Variants in PCDHGA11 observed in about 807,000 individuals in gnomAD.
PCDHGA11 encodes the protein protocadherin gamma subfamily A, 11, also known as protocadherin gamma-A11.
Under a neutral mutation model 60.4 loss-of-function variants are expected in PCDHGA11, and 39 were observed. The observed-to-expected ratio is 0.65, with a 90% CI of 0.50 to 0.84. The LOEUF is 0.84. Ranked by LOEUF, PCDHGA11 falls within the 40% of genes least tolerant of loss-of-function variation. PCDHGA11 has a pLI of 0.00. For missense variants in PCDHGA11, 1,165 were observed against 1,197.7 expected (o/e 0.97, Z 0.40); for synonymous variants, 533 against 510.3 (o/e 1.04, Z -0.60).
intron 1 of PCDHGA11, among the ~76,000 whole-genome samples, chr5:141,456,250 C>T (rs1244300374): frequency 4.6e-5 from 7 of 152,014 alleles, no homozygotes; most frequent in African/African-American, 1.7e-4. Context: ...AGGCTTTGGG[C>T]GACCATTGCT....
Position 141,432,668 on chromosome 5 carries a change from G to C in PCDHGA11, c.2433+9008G>C, listed in dbSNP as rs1202414814. 2.5e-6 allele frequency: 4 copies of C among 1,613,742 alleles called. No individual in the cohort carries two copies. The highest frequency in any genetic ancestry group is 2.2e-5 in the South Asian group (2 of 91,068). On this transcript the variant is annotated intron_variant, in intron 1 of 3. Coordinates refer to ENST00000398587, the MANE Select transcript of PCDHGA11 (RefSeq NM_018914.3). This position sits in a 1 kb window ranked among gnomAD's most constrained non-coding sequence, Gnocchi z 6.0. The stretch of plus-strand genomic sequence containing the variant: ...GGCGCGAGCCCTGCTGGACAGAGAC[G>C]CGCTCAAGCAGAGCCTCGTAGTGGC...
At chr5:141,469,782 G>A (rs760985231) in intron 1 of PCDHGA11, among the ~76,000 whole-genome samples, 8 of 152,204 alleles carry the variant, frequency 5.3e-5, no homozygotes, top group African/African-American at 1.7e-4. Context: ...TTATTACAGC[G>A]TTATTTGTAA....
chr5:141,480,225 G>A (rs1217912404), intron 1 of PCDHGA11, among the ~76,000 whole-genome samples: 1 of 147,152 alleles, frequency 6.8e-6, no homozygotes, highest in East Asian at 2.0e-4. Flanking sequence ...GCGACATAGT[G>A]AGATCCTGTC....
At position 141,476,161 on chromosome 5, in the gene PCDHGA11, G is replaced by A. The variant is rs748660112; in HGVS notation, c.2434-18646G>A. 21 of 1,613,012 alleles carry A rather than the reference G, an allele frequency of 1.3e-5. No homozygotes were observed. Among genetic ancestry groups the A allele is most frequent in the Non-Finnish European group, 1.8e-5 (21 of 1,179,922 alleles). On this transcript the variant is annotated intron_variant, in intron 1 of 3. Transcript: ENST00000398587. The surrounding 1 kb of genome is among the most constrained non-coding windows in gnomAD (Gnocchi z 7.6). ...GGAGCGGACTGGTAAGCACCGGGAG[G>A]GTAGTGGGAGTTTTGCTTCTGCTTG... is the stretch of plus-strand genomic sequence containing the variant.
At chr5:141,483,797 G>GCTGCTTTT (rs1255394691) in intron 1 of PCDHGA11, among the ~76,000 whole-genome samples, 3 of 152,174 alleles carry the variant, frequency 2.0e-5, no homozygotes, top group Non-Finnish European at 4.4e-5. Context: ...TCCAGTTGTT[G>GCTGCTTTT]CTGCTTTTTT....
chr5:141,444,920 G>A (rs2098451595), intron 1 of PCDHGA11, among the ~76,000 whole-genome samples: 1 of 152,110 alleles, frequency 6.6e-6, no homozygotes, highest in Non-Finnish European at 1.5e-5. Context: ...ACCTTTATCA[G>A]GGAAAGAGGG....
Position 141,491,498 on chromosome 5 carries a change from C to T in PCDHGA11, c.2434-3309C>T, listed in dbSNP as rs975297143. 2 of 1,614,102 alleles carry T rather than the reference C, an allele frequency of 1.2e-6. No homozygotes were observed. Among genetic ancestry groups the T allele is most frequent in the Non-Finnish European group, 1.7e-6 (2 of 1,180,018 alleles). ...TCCAGCCCCAACCTGCAGGTGAGCT[C>T]GGACGGCACGCTCAAGTACATGGAG... On this transcript the variant is annotated intron_variant, in intron 1 of 3. Transcript: ENST00000398587. The surrounding 1 kb of genome is among the most constrained non-coding windows in gnomAD (Gnocchi z 6.9).
At chr5:141,446,767 G>T (rs891355909) in intron 1 of PCDHGA11, among the ~76,000 whole-genome samples, 1 of 152,118 alleles carries the variant, frequency 6.6e-6, no homozygotes, top group African/African-American at 2.4e-5. Flanking sequence ...GCGCCCAGCC[G>T]GTTACCATTC....
In PCDHGA11 at chr5:141,423,193, T is replaced by A; in HGVS notation, c.1966T>A (p.Ser656Thr). 2 of 1,613,564 alleles carry A rather than the reference T, an allele frequency of 1.2e-6. No individual in the cohort carries two copies. Among genetic ancestry groups the A allele is most frequent in the Non-Finnish European group, 1.7e-6 (2 of 1,179,976 alleles). Residue 656 changes from serine (S) to threonine (T), a missense_variant, in exon 1 of 4, where the codon TCG (serine) becomes ACG (threonine). Ser to Thr is a moderately conservative substitution (Grantham distance 58). Transcript: ENST00000398587. Reference sequence around the variant, plus strand: ...CCAGGACCACGGCCAGCCCCCTCTCTCGGCCACCGTCACGCTCACCGTGGC... The same window carrying A: ...CCAGGACCACGGCCAGCCCCCTCTCACGGCCACCGTCACGCTCACCGTGGC... Reference protein sequence around the residue: ...AVQDHGQPPLSATVTLTVAVA... With the variant: ...AVQDHGQPPLTATVTLTVAVA...
Position 141,431,412 on chromosome 5 carries a change from GC to G in PCDHGA11, c.2433+7753del. ...CTGGTCCTTACGGCCTCCGACGGGG[GC>G]GACCCGGTGCGCACAGGCACCGCGC... On this transcript the variant is annotated intron_variant, in intron 1 of 3. Coordinates refer to ENST00000398587, the MANE Select transcript of PCDHGA11 (RefSeq NM_018914.3). The surrounding 1 kb of genome is among the most constrained non-coding windows in gnomAD (Gnocchi z 4.8). The G allele has an allele frequency of 6.2e-7, 1 of 1,613,714 alleles. No homozygotes were observed. Among genetic ancestry groups the G allele is most frequent in the Non-Finnish European group, 8.5e-7 (1 of 1,180,050 alleles).
In PCDHGA11 at chr5:141,491,561, A is replaced by G. The variant is rs1289732955; in HGVS notation, c.2434-3246A>G. ...CCCACAGACTCGCAGAGCCACTGCT[A>G]CAGGACGTGCTTTTCACCGGCCTCG... On this transcript the variant is annotated intron_variant, in intron 1 of 3. Transcript: ENST00000398587. The surrounding 1 kb of genome is among the most constrained non-coding windows in gnomAD (Gnocchi z 6.9). The G allele has an allele frequency of 6.2e-7, 1 of 1,613,938 alleles. No homozygotes were observed. Among genetic ancestry groups the G allele is most frequent in the Non-Finnish European group, 8.5e-7 (1 of 1,180,018 alleles).
At chr5:141,426,925 A>G in intron 1 of PCDHGA11, 1 of 456,756 alleles carries the variant, frequency 2.2e-6, no homozygotes, top group Non-Finnish European at 4.4e-6. Flanking sequence ...GAAGCAATGG[A>G]CATGGGTGAC....
intron 1 of PCDHGA11, among the ~76,000 whole-genome samples, chr5:141,449,586 C>T (rs2098645911): frequency 1.6e-5 from 2 of 125,482 alleles, no homozygotes; most frequent in East Asian, 2.3e-4. Context: ...AAGACTCTGT[C>T]TCAAAAAAAA....
At chr5:141,506,188 C>T (rs925159785) in intron 3 of PCDHGA11, among the ~76,000 whole-genome samples, 2 of 152,058 alleles carry the variant, frequency 1.3e-5, no homozygotes, top group African/African-American at 4.8e-5. Flanking sequence ...TGGTGGCTCA[C>T]GCCTGTAATC....
chr5:141,494,935 G>A, intron 2 of PCDHGA11, 70 bp downstream of exon 2: 1 of 1,612,482 alleles, frequency 6.2e-7, no homozygotes, highest in Non-Finnish European at 8.5e-7. Flanking sequence ...GGGAGGAGAT[G>A]GGGGAGGGCC....
chr5:141,487,041 G>C lies in PCDHGA11; in HGVS notation c.2434-7766G>C, dbSNP rs149314216. On this transcript the variant is annotated intron_variant, in intron 1 of 3. Coordinates refer to ENST00000398587, the MANE Select transcript of PCDHGA11 (RefSeq NM_018914.3). The surrounding 1 kb of genome is among the most constrained non-coding windows in gnomAD (Gnocchi z 5.0). ...GATCCCAGCCTGTTTGCAGTCTCTC[G>C]ATATGCTGGGGAGGTGCGGACGGCT... 2.5e-6 allele frequency: 4 copies of C among 1,614,018 alleles called. No homozygotes were observed. Among genetic ancestry groups the C allele is most frequent in the South Asian group, 2.2e-5 (2 of 91,084 alleles).
At chr5:141,503,023 A>AAT (rs2099817696) in intron 2 of PCDHGA11, among the ~76,000 whole-genome samples, 1 of 141,888 alleles carries the variant, frequency 7.0e-6, no homozygotes, top group African/African-American at 2.6e-5. Context: ...TTTTTTTTTT[A>AAT]ATATCTATTT....
Position 141,423,141 on chromosome 5 carries a change from G to T in PCDHGA11, c.1914G>T (p.Ala638=), listed in dbSNP as rs2096714253. 3.7e-6 allele frequency: 6 copies of T among 1,613,580 alleles called. No individual in the cohort carries two copies. Among genetic ancestry groups the T allele is most frequent in the East Asian group, 2.2e-5 (1 of 44,880 alleles). The part of the protein sequence containing the change: ...RTARALLDRD[A]LKQSLVVAVQ... The stretch of plus-strand genomic sequence containing the variant: ...CGCGGGCACTGCTGGACAGAGACGC[G>T]CTCAAGCAGAGCCTCGTGGTGGCCG... The change falls in exon 1 of 4, where the codon GCG becomes GCT. Residue 638 remains alanine (A), a synonymous_variant. Transcript: ENST00000398587.
intron 1 of PCDHGA11, among the ~76,000 whole-genome samples, chr5:141,469,723 C>G (rs2099209474): frequency 6.6e-6 from 1 of 152,210 alleles, no homozygotes; most frequent in Non-Finnish European, 1.5e-5. Context: ...AGGAATTTAT[C>G]ATAAATACAC....
Sources: gnomAD v4.1 joint callset for allele counts (sites outside exome capture counted in the v4.1 genomes callset) on GRCh38, gnomAD v4.1.1 for gene constraint, Gnocchi (gnomAD v3.1) non-coding constraint, MANE v1.5 for transcripts, NCBI Gene and HGNC (gene_info 2026-07-23, HGNC 2026-07-21) for gene names.